The following CMIP variants were observed in gnomAD, a reference collection of about 807,000 sequenced individuals.
CMIP encodes the protein c-Maf inducing protein.
Under a neutral mutation model 97.3 loss-of-function variants are expected in CMIP, and 13 were observed. That is an observed-to-expected ratio of 0.13 (90% CI 0.09 to 0.21). The LOEUF (loss-of-function observed/expected upper bound fraction) is 0.21, where lower values mean the gene tolerates loss of function less well. Ranked by LOEUF, CMIP falls within the 10% of genes least tolerant of loss-of-function variation. The pLI is 1.00. For missense variants in CMIP, 847 were observed against 1,024.9 expected (o/e 0.83, Z 2.37); for synonymous variants, 538 against 436.3 (o/e 1.23, Z -2.91).
chr16:81,569,463 T>C (rs1314674652), intron 1 of CMIP, among the ~76,000 whole-genome samples: 1 of 152,226 alleles, frequency 6.6e-6, no homozygotes, highest in African/African-American at 2.4e-5. Flanking sequence ...GACATGGCAC[T>C]GGCTGGGCCT....
intron 3 of CMIP, among the ~76,000 whole-genome samples, chr16:81,649,935 A>G (rs1349267467): frequency 6.6e-6 from 1 of 152,200 alleles, no homozygotes; most frequent in Non-Finnish European, 1.5e-5. Flanking sequence ...TGCTTCAGAC[A>G]TGTTGGGTTT....
rs750396425 is a variant in CMIP at position 81,445,277 on chromosome 16, C to A, written c.36C>A (p.Asp12Glu). 29 of 1,545,516 alleles carry A rather than the reference C, an allele frequency of 1.9e-5. No individual in the cohort carries two copies. Among genetic ancestry groups the A allele is most frequent in the Middle Eastern group, 1.9e-4 (1 of 5,154 alleles). ...CCAGCAGCTCGGGCGGCGGCGGCGA[C>A]CCCCGGCAGATCGAGGAGACCAAGC... ...DVTSSSGGGG[D>E]PRQIEETKPL... is the part of the protein sequence containing the mutation. The change falls in exon 1 of 21, where the codon GAC becomes GAA. Residue 12 changes from aspartate (D) to glutamate (E), a missense_variant. By Grantham distance (45) the Asp-to-Glu change is conservative. Coordinates refer to ENST00000537098, the MANE Select transcript of CMIP (RefSeq NM_198390.3).
chr16:81,555,797 G>T (rs1005201888), intron 1 of CMIP, among the ~76,000 whole-genome samples: 3 of 152,170 alleles, frequency 2.0e-5, no homozygotes, highest in African/African-American at 7.2e-5. Context: ...ATTGCCATTG[G>T]AGTGTGTCTG....
intron 1 of CMIP, among the ~76,000 whole-genome samples, chr16:81,459,908 C>T (rs1333197904): frequency 1.3e-5 from 2 of 152,234 alleles, no homozygotes; most frequent in Non-Finnish European, 2.9e-5. Flanking sequence ...GGTCTTCTTC[C>T]TCCGAGCCCT....
At chr16:81,456,523 T>TA (rs1906557006) in intron 1 of CMIP, among the ~76,000 whole-genome samples, 1 of 152,208 alleles carries the variant, frequency 6.6e-6, no homozygotes, top group African/African-American at 2.4e-5. Flanking sequence ...GAACCTGTTT[T>TA]ATGCCAGACA....
intron 10 of CMIP, among the ~76,000 whole-genome samples, chr16:81,680,155 G>A (rs1037268112): frequency 6.6e-6 from 1 of 152,232 alleles, no homozygotes; most frequent in Non-Finnish European, 1.5e-5. Flanking sequence ...CAGCCTGCAG[G>A]GAGGCCACTC....
intron 1 of CMIP, among the ~76,000 whole-genome samples, chr16:81,573,703 G>GT (rs921109004): frequency 6.6e-6 from 1 of 152,168 alleles, no homozygotes; most frequent in Admixed American, 6.5e-5. Flanking sequence ...TGAGAGAAGG[G>GT]TTTTTTAAAC....
chr16:81,545,742 A>C (rs1342746861), intron 1 of CMIP, among the ~76,000 whole-genome samples: 1 of 152,204 alleles, frequency 6.6e-6, no homozygotes, highest in Non-Finnish European at 1.5e-5. Context: ...GGTGGTTTTC[A>C]AGCTCCAAAC....
rs182262758 is a variant in CMIP at position 81,600,255 on chromosome 16, G to A, written c.301-7312G>A. 3.9e-4 allele frequency among the ~76,000 whole-genome samples: 51 copies of A among 129,734 alleles called. No homozygotes were observed. In the East Asian group the frequency reaches 0.011, roughly 27 times the overall value. The allele number at this position is 129,734 out of a possible 152,430, so 85.1% of individuals were successfully genotyped here. A position where few individuals can be genotyped will look rare whatever the true frequency, so the allele number is the denominator to read the frequency against. ...CGCACCACTGCACTCCAGCCTAGGC[G>A]ACAGAGTGAGACTCCATCTGAAAAA... On this transcript the variant is annotated intron_variant, in intron 1 of 20. Coordinates refer to ENST00000537098, the MANE Select transcript of CMIP (RefSeq NM_198390.3).
chr16:81,625,811 T>C (rs1260426600), intron 3 of CMIP, among the ~76,000 whole-genome samples: 2 of 152,122 alleles, frequency 1.3e-5, no homozygotes, highest in African/African-American at 4.8e-5. Context: ...ACCTTCTCGC[T>C]TCCTGAGAGG....
intron 1 of CMIP, among the ~76,000 whole-genome samples, chr16:81,576,116 G>T (rs1229302945): frequency 2.0e-5 from 3 of 152,040 alleles, no homozygotes; most frequent in East Asian, 1.9e-4. Flanking sequence ...AGCAAGAAAA[G>T]AATGCGTCTA....
intron 9 of CMIP, among the ~76,000 whole-genome samples, chr16:81,677,306 T>A (rs1345897386): frequency 6.6e-6 from 1 of 152,160 alleles, no homozygotes; most frequent in African/African-American, 2.4e-5. Flanking sequence ...CGTCGACTCA[T>A]GGGCTGTTTA....
intron 1 of CMIP, among the ~76,000 whole-genome samples, chr16:81,505,744 A>T (rs1567548864): frequency 6.6e-6 from 1 of 152,264 alleles, no homozygotes; most frequent in East Asian, 1.9e-4. Flanking sequence ...TAATCCCAGC[A>T]CTTTGGGAGG....
At chr16:81,466,185 C>G (rs563789266) in intron 1 of CMIP, among the ~76,000 whole-genome samples, 9 of 152,150 alleles carry the variant, frequency 5.9e-5, no homozygotes, top group African/African-American at 2.2e-4. Context: ...CTCAGCCTCT[C>G]GAGTAGCTGG....
intron 1 of CMIP, among the ~76,000 whole-genome samples, chr16:81,461,100 A>G (rs1253180074): frequency 7.9e-5 from 12 of 152,222 alleles, no homozygotes; most frequent in Non-Finnish European, 1.5e-4. Context: ...CAAGCCAGGC[A>G]AAACCCATTG....
chr16:81,460,424 C>G (rs1310400587), intron 1 of CMIP, among the ~76,000 whole-genome samples: 1 of 152,112 alleles, frequency 6.6e-6, no homozygotes, highest in Non-Finnish European at 1.5e-5. Context: ...AGTGTCAGGC[C>G]CAGGGATAGA....
intron 1 of CMIP, among the ~76,000 whole-genome samples, chr16:81,517,534 G>A (rs762384157): frequency 6.6e-6 from 1 of 152,172 alleles, no homozygotes; most frequent in Non-Finnish European, 1.5e-5. Flanking sequence ...GCAAGAGAGT[G>A]GGCTTGAATT....
At chr16:81,511,839 C>T (rs192147853) in intron 1 of CMIP, among the ~76,000 whole-genome samples, 4 of 152,272 alleles carry the variant, frequency 2.6e-5, no homozygotes, top group Admixed American at 2.6e-4. Flanking sequence ...TAGGATTACA[C>T]GTGTGAGCCA....
intron 13 of CMIP, among the ~76,000 whole-genome samples, chr16:81,694,752 G>A (rs2151085420): frequency 1.3e-5 from 2 of 152,312 alleles, no homozygotes; most frequent in Middle Eastern, 3.4e-3. Flanking sequence ...GTGGTTCTGA[G>A]GGGCTGGTCT....
Sources: allele counts gnomAD v4.1 joint callset (sites outside exome capture counted in the v4.1 genomes callset), GRCh38; gene constraint gnomAD v4.1.1; transcripts MANE v1.5; gene names NCBI Gene and HGNC (gene_info 2026-07-23, HGNC 2026-07-21).